The following KCNN2 variants were observed in gnomAD, a reference collection of about 807,000 sequenced individuals.
KCNN2 encodes the protein potassium calcium-activated channel subfamily N member 2.
KCNN2 carries 24 observed loss-of-function variants against 55.5 expected under a neutral mutation model. That is an observed-to-expected ratio of 0.43 (90% confidence interval 0.31 to 0.61). The LOEUF (loss-of-function observed/expected upper bound fraction) is 0.61, where lower values mean the gene tolerates loss of function less well. KCNN2 is among the 20% of genes least tolerant of loss of function. KCNN2 has a pLI of 0.08. For missense variants in KCNN2, 754 were observed against 853.6 expected, an observed-to-expected ratio of 0.88 and a Z score of 1.45; for synonymous variants, 431 against 336.1, an observed-to-expected ratio of 1.28 and a Z score of -3.09.
At chr5:114,232,653 A>G (rs1358932645) in intron 2 of KCNN2, among the ~76,000 whole-genome samples, 1 of 151,136 alleles carries the variant, frequency 6.6e-6, no homozygotes, top group African/African-American at 2.5e-5. Context: ...AAACTTTTAA[A>G]TAAATAATCC....
At chr5:114,207,695 C>A (rs1411601278) in intron 1 of KCNN2, among the ~76,000 whole-genome samples, 4 of 152,190 alleles carry the variant, frequency 2.6e-5, no homozygotes, top group Admixed American at 2.6e-4. Flanking sequence ...GAATTACTTT[C>A]AGGAGCATTA....
At chr5:114,184,982 TAC>T (rs1369592022) in intron 1 of KCNN2, among the ~76,000 whole-genome samples, 1 of 152,256 alleles carries the variant, frequency 6.6e-6, no homozygotes, top group African/African-American at 2.4e-5. Flanking sequence ...GCCATAAATC[TAC>T]ACAATTCTAG....
intron 2 of KCNN2, among the ~76,000 whole-genome samples, chr5:114,241,822 G>GTATATATATATATATATATA (rs1304194176): frequency 1.6e-4 from 1 of 6,368 alleles, no homozygotes; most frequent in East Asian, 0.018. Context: ...ATATATATGT[G>GTATATATATATATATATATA]TGTATATATA....
chr5:114,174,713 G>A (rs1222057391), intron 1 of KCNN2, among the ~76,000 whole-genome samples: 3 of 152,124 alleles, frequency 2.0e-5, no homozygotes, highest in Non-Finnish European at 4.4e-5. Context: ...GATAAAACAG[G>A]ATGTCATGAA....
At chr5:114,364,354 C>G (rs1352110240) in intron 2 of KCNN2, among the ~76,000 whole-genome samples, 1 of 152,126 alleles carries the variant, frequency 6.6e-6, no homozygotes, top group Non-Finnish European at 1.5e-5. Flanking sequence ...TTGTTTGAGA[C>G]ACCTCTTCCT....
intron 3 of KCNN2, among the ~76,000 whole-genome samples, chr5:114,455,605 T>G (rs1299364251): frequency 6.6e-6 from 1 of 152,210 alleles, no homozygotes; most frequent in Non-Finnish European, 1.5e-5. Flanking sequence ...CTAGACATGA[T>G]TAAGCTTAAT....
At chr5:114,101,497 C>T (rs978778460) in intron 1 of KCNN2, among the ~76,000 whole-genome samples, 1 of 148,300 alleles carries the variant, frequency 6.7e-6, no homozygotes, top group Non-Finnish European at 1.5e-5. Context: ...AGGTTTGTTA[C>T]ATAGGTATAC....
intron 1 of KCNN2, among the ~76,000 whole-genome samples, chr5:114,065,909 A>G (rs1421992418): frequency 1.1e-5 from 1 of 90,074 alleles, no homozygotes; most frequent in Non-Finnish European, 2.1e-5. Flanking sequence ...TTTTGGTTGT[A>G]TAAACATTAT....
chr5:114,298,600 C>G (rs56398861), intron 2 of KCNN2, among the ~76,000 whole-genome samples: 2 of 152,040 alleles, frequency 1.3e-5, no homozygotes, highest in South Asian at 4.1e-4. Context: ...AAAATATCAT[C>G]ACAAATATTC....
intron 2 of KCNN2, among the ~76,000 whole-genome samples, chr5:114,403,825 A>G (rs1476569553): frequency 6.6e-6 from 1 of 152,226 alleles, no homozygotes; most frequent in African/African-American, 2.4e-5. Flanking sequence ...TTGAAAGTAA[A>G]TGAATAATCC....
At chr5:114,383,613 C>T (rs372559157) in intron 2 of KCNN2, among the ~76,000 whole-genome samples, 95 of 152,024 alleles carry the variant, frequency 6.2e-4, no homozygotes, top group East Asian at 1.9e-3. Flanking sequence ...GGATTACAGG[C>T]GGGCGCAGCC....
At chr5:114,180,798 C>T (rs1056820728) in intron 1 of KCNN2, among the ~76,000 whole-genome samples, 6 of 152,164 alleles carry the variant, frequency 3.9e-5, no homozygotes, top group African/African-American at 1.4e-4. Context: ...TCAACTTTCT[C>T]ACAAACTCCT....
At chr5:114,388,589 A>C (rs900073744) in intron 2 of KCNN2, among the ~76,000 whole-genome samples, 1 of 152,130 alleles carries the variant, frequency 6.6e-6, no homozygotes, top group Non-Finnish European at 1.5e-5. Context: ...ACTTACTAGC[A>C]TGGTTACTTG....
chr5:114,060,591 G>A (rs1293195576), intron 1 of KCNN2, among the ~76,000 whole-genome samples: 1 of 152,234 alleles, frequency 6.6e-6, no homozygotes, highest in African/African-American at 2.4e-5. Context: ...AGCTGAGTAT[G>A]GCATTGCTTA....
chr5:114,288,478 C>A (rs536229859), intron 2 of KCNN2, among the ~76,000 whole-genome samples: 2 of 126,934 alleles, frequency 1.6e-5, no homozygotes, highest in African/African-American at 2.9e-5. Flanking sequence ...GACATCTTTG[C>A]CATTACTTTA....
intron 2 of KCNN2, among the ~76,000 whole-genome samples, chr5:114,391,158 C>T (rs1010494966): frequency 6.6e-6 from 1 of 152,034 alleles, no homozygotes; most frequent in Admixed American, 6.6e-5. Flanking sequence ...GAGCTTTTCC[C>T]AATACTGACA....
chr5:114,194,463 C>T (rs1451664731), intron 1 of KCNN2, among the ~76,000 whole-genome samples: 1 of 151,958 alleles, frequency 6.6e-6, no homozygotes, highest in Non-Finnish European at 1.5e-5. Flanking sequence ...TGTTGAACAT[C>T]ATTTTGTGTG....
chr5:114,399,929 TG>T (rs1341311994), intron 2 of KCNN2, among the ~76,000 whole-genome samples: 2 of 128,200 alleles, frequency 1.6e-5, no homozygotes, highest in Non-Finnish European at 1.6e-5. Flanking sequence ...TTTTTTTTTT[TG>T]TTTTTTTTTT....
At chr5:114,354,877 T>C (rs1757270588) in intron 2 of KCNN2, among the ~76,000 whole-genome samples, 1 of 152,180 alleles carries the variant, frequency 6.6e-6, no homozygotes, top group Non-Finnish European at 1.5e-5. Context: ...TGTACATTAA[T>C]AATTAAAACA....
Sources: gnomAD v4.1 joint callset for allele counts (sites outside exome capture counted in the v4.1 genomes callset) on GRCh38, gnomAD v4.1.1 for gene constraint, MANE v1.5 for transcripts, NCBI Gene and HGNC (gene_info 2026-07-23, HGNC 2026-07-21) for gene names.